Variants in SULT4A1 observed in about 807,000 individuals in gnomAD.
SULT4A1 encodes sulfotransferase family 4A member 1.
A neutral mutation model predicts 35.2 loss-of-function variants in SULT4A1; 11 were observed. That is an observed-to-expected ratio of 0.31 (90% CI 0.20 to 0.52). SULT4A1 has a LOEUF of 0.52. Ranked by LOEUF, SULT4A1 falls within the 20% of genes least tolerant of loss-of-function variation. The pLI is 0.97. For missense variants in SULT4A1, 271 were observed against 383.7 expected, an observed-to-expected ratio of 0.71 and a Z score of 2.45; for synonymous variants, 152 against 151.8, an observed-to-expected ratio of 1.00 and a Z score of -0.01.
intron 2 of SULT4A1, 99 bp downstream of exon 2, chr22:43,841,703 T>C: frequency 6.6e-7 from 1 of 1,523,864 alleles, no homozygotes; most frequent in South Asian, 1.3e-5. Context: ...TGCTCTCCCC[T>C]AATCCACAGA....
intron 5 of SULT4A1, among the ~76,000 whole-genome samples, chr22:43,831,314 C>CAGCTG (rs371162907): frequency 6.6e-6 from 1 of 152,238 alleles, no homozygotes; most frequent in Non-Finnish European, 1.5e-5. Flanking sequence ...GATGTGTGGG[C>CAGCTG]AGCTGGCCAG....
intron 4 of SULT4A1, among the ~76,000 whole-genome samples, chr22:43,835,508 A>G (rs2063363765): frequency 6.6e-6 from 1 of 152,244 alleles, no homozygotes; most frequent in South Asian, 2.1e-4. Flanking sequence ...CCCACATCCC[A>G]CCAAAACCTC....
intron 1 of SULT4A1, among the ~76,000 whole-genome samples, chr22:43,858,823 A>G (rs750398186): frequency 2.2e-4 from 33 of 152,080 alleles, no homozygotes; most frequent in Non-Finnish European, 2.8e-4. Context: ...TTTCACATCT[A>G]TAAAAAGGAA....
intron 2 of SULT4A1, 22 bp from the exon 3 acceptor site, chr22:43,840,047 G>C (rs765148351): frequency 2.5e-6 from 4 of 1,588,584 alleles, no homozygotes; most frequent in South Asian, 1.1e-5. Flanking sequence ...CAGAGGGAGA[G>C]GCAGGTCAGA....
intron 6 of SULT4A1, chr22:43,826,911 A>T (rs1436863219): frequency 1.0e-6 from 1 of 985,316 alleles, no homozygotes; most frequent in East Asian, 1.1e-4. Flanking sequence ...GCCACAAGGG[A>T]GGGCTGAGCT....
chr22:43,848,095 G>A (rs539564508), intron 1 of SULT4A1, among the ~76,000 whole-genome samples: 30 of 152,030 alleles, frequency 2.0e-4, no homozygotes, highest in African/African-American at 6.5e-4. Flanking sequence ...CCCACCCAGC[G>A]AGCCTTTTAT....
rs1485801182 is a variant in SULT4A1, at chr22:43,859,935, A to C, written c.169+2279T>G. 2.0e-5 allele frequency among the ~76,000 whole-genome samples: 3 copies of C among 152,364 alleles called. No individual in the cohort carries two copies. In the East Asian group the frequency reaches 5.8e-4, roughly 29 times the overall value. On this transcript the variant is annotated intron_variant, in intron 1 of 6. Transcript: ENST00000330884. ...CTGGAGAGCACAGTCCTAACCCGCC[A>C]TCTAAGCTAGAATGTCGCAAGCACA...
At chr22:43,861,671 T>C (rs1038424986) in intron 1 of SULT4A1, among the ~76,000 whole-genome samples, 2 of 152,280 alleles carry the variant, frequency 1.3e-5, no homozygotes. Flanking sequence ...AACAAGAGAA[T>C]GTACAAGCAA....
At chr22:43,846,722 G>T (rs1006762308) in intron 1 of SULT4A1, among the ~76,000 whole-genome samples, 3 of 152,258 alleles carry the variant, frequency 2.0e-5, no homozygotes, top group Non-Finnish European at 4.4e-5. Context: ...TGTGCCAAGG[G>T]TTATAGAACC....
intron 6 of SULT4A1, among the ~76,000 whole-genome samples, chr22:43,828,211 C>T (rs771480292): frequency 6.6e-6 from 1 of 152,234 alleles, no homozygotes; most frequent in Non-Finnish European, 1.5e-5. Flanking sequence ...CAAACATTCT[C>T]AACCCAGGAA....
intron 1 of SULT4A1, among the ~76,000 whole-genome samples, chr22:43,860,428 G>C (rs138107): frequency 0.24 from 35,877 of 152,140 alleles, 4,455 homozygotes; most frequent in African/African-American, 0.32. Context: ...GTGTCTGGAC[G>C]TGGGCTAAGC....
intron 3 of SULT4A1, among the ~76,000 whole-genome samples, chr22:43,839,583 G>C (rs1451528949): frequency 6.6e-6 from 1 of 152,130 alleles, no homozygotes; most frequent in Non-Finnish European, 1.5e-5. Flanking sequence ...CTAAGACTCC[G>C]TCTCAAAAAC....
Position 43,838,874 on chromosome 22 carries a change from A to G in SULT4A1, c.501T>C (p.Asn167=), listed in dbSNP as rs558651918. The change falls in exon 4 of 7, where the codon AAT becomes AAC. Residue 167 remains asparagine (N), a synonymous_variant. Transcript: ENST00000330884. ...CCAGGCTGCAACACTCACGCTTATC[A>G]TTCATAAACCTCCGGCAGAATTCTT... ...TFQEFCRRFM[N]DKLGYGSWFE... The G allele has an allele frequency of 6.2e-7, 1 of 1,614,094 alleles. No individual in the cohort carries two copies. Among genetic ancestry groups the G allele is most frequent in the African/African-American group, 1.3e-5 (1 of 75,058 alleles).
In SULT4A1 at chr22:43,829,911, C is replaced by A. The variant is rs535180508; in HGVS notation, c.604-713G>T. On this transcript the variant is annotated intron_variant, in intron 5 of 6. Transcript: ENST00000330884. The stretch of plus-strand genomic sequence containing the variant: ...CTCTGGAAGGTTTGTAAAGCAAATT[C>A]CCGCATTAAAGCCTCTAAAAAGTCC... Among the ~76,000 whole-genome samples the A allele has an allele frequency of 6.8e-4, 103 of 152,324 alleles. 1 individual carries two copies. The highest frequency in any genetic ancestry group is 1.9e-3 in the African/African-American group (78 of 41,572).
At chr22:43,861,668 G>A (rs2049470059) in intron 1 of SULT4A1, among the ~76,000 whole-genome samples, 1 of 152,256 alleles carries the variant, frequency 6.6e-6, no homozygotes, top group African/African-American at 2.4e-5. Flanking sequence ...TGAAACAAGA[G>A]AATGTACAAG....
At chr22:43,850,014 C>T (rs1235435939) in intron 1 of SULT4A1, among the ~76,000 whole-genome samples, 1 of 152,214 alleles carries the variant, frequency 6.6e-6, no homozygotes, top group East Asian at 1.9e-4. Flanking sequence ...GAGTCCACCC[C>T]TGCCAGTGCC....
At chr22:43,850,141 ACC>A (rs772676136) in intron 1 of SULT4A1, among the ~76,000 whole-genome samples, 21 of 151,980 alleles carry the variant, frequency 1.4e-4, no homozygotes, top group Non-Finnish European at 2.8e-4. Context: ...AGGCACAAAG[ACC>A]CACGGTTCTC....
intron 6 of SULT4A1, chr22:43,826,393 C>A (rs528303277): frequency 1.0e-6 from 1 of 985,380 alleles, no homozygotes; most frequent in Non-Finnish European, 1.2e-6. Flanking sequence ...CCACACCCCC[C>A]GCTGGGGCCC....
At position 43,840,162 on chromosome 22, in the gene SULT4A1, G is replaced by A. The variant is rs533446658; in HGVS notation, c.301-137C>T. 66 of 685,984 alleles carry A rather than the reference G, an allele frequency of 9.6e-5. 1 individual carries two copies. The highest frequency in any genetic ancestry group is 3.9e-4 in the Middle Eastern group (1 of 2,574). The allele number at this position is 685,984 out of a possible 1,614,324, so 42.5% of individuals were successfully genotyped here. ...AAGTGGAGTTATCAGAGGGAACGGC[G>A]GGTCTAGGGTAGCGGAGGGGTCAGG... On this transcript the variant is annotated intron_variant, in intron 2 of 6. Coordinates refer to ENST00000330884, the MANE Select transcript of SULT4A1 (RefSeq NM_014351.4).
Sources: gnomAD v4.1 joint callset for allele counts (sites outside exome capture counted in the v4.1 genomes callset) on GRCh38, gnomAD v4.1.1 for gene constraint, MANE v1.5 for transcripts, NCBI Gene and HGNC (gene_info 2026-07-23, HGNC 2026-07-21) for gene names.